KRABD3: variants seen among roughly 807,000 people sequenced by gnomAD.
KRABD3 encodes KRAB domain containing 3.
the KRABD3 span, chr7:149,726,121 C>A: frequency 6.8e-7 from 1 of 1,475,786 alleles, no homozygotes; most frequent in East Asian, 2.4e-5. Context: ...GCCCCTTGCC[C>A]AGTCCCTCTG....
the KRABD3 span, chr7:149,724,805 A>T: frequency 1.3e-6 from 2 of 1,597,956 alleles, no homozygotes; most frequent in Non-Finnish European, 8.5e-7. Context: ...GCCACTGGAG[A>T]CACCAGAGGG....
chr7:149,730,587 G>A, the KRABD3 span: 11 of 1,607,236 alleles, frequency 6.8e-6, no homozygotes, highest in Non-Finnish European at 9.3e-6. Flanking sequence ...GGGGTCTCCT[G>A]AGGGGGCGCC....
chr7:149,718,853 C>A, the KRABD3 span, among the ~76,000 whole-genome samples: 2 of 152,118 alleles, frequency 1.3e-5, no homozygotes, highest in Non-Finnish European at 2.9e-5. Flanking sequence ...CAAAAATGCT[C>A]GTGTTATTTT....
the KRABD3 span, chr7:149,728,792 C>A: frequency 6.9e-6 from 8 of 1,166,128 alleles, no homozygotes; most frequent in Non-Finnish European, 9.5e-6. Flanking sequence ...GGAAACAGAC[C>A]TGGGCAGAGC....
the KRABD3 span, chr7:149,722,936 C>T: frequency 6.2e-7 from 1 of 1,602,388 alleles, no homozygotes. Context: ...GACCTGGGGC[C>T]TGGGAGCCCG....
At chr7:149,730,727 G>A in the KRABD3 span, 10 of 964,372 alleles carry the variant, frequency 1.0e-5, no homozygotes, top group South Asian at 1.7e-5. Context: ...AGCTGTGTCC[G>A]AGAAGGAGGG....
chr7:149,721,754 G>A, the KRABD3 span: 1 of 703,728 alleles, frequency 1.4e-6, no homozygotes, highest in African/African-American at 1.7e-5. Flanking sequence ...CCCCTGGGGA[G>A]CCTGTCATCC....
At chr7:149,720,200 A>G in the KRABD3 span, 5 of 1,505,824 alleles carry the variant, frequency 3.3e-6, no homozygotes, top group Non-Finnish European at 4.5e-6. Context: ...GCGTGACCTC[A>G]GCCTACTCAG....
the KRABD3 span, among the ~76,000 whole-genome samples, chr7:149,732,532 G>A: frequency 3.8e-4 from 58 of 152,172 alleles, no homozygotes; most frequent in Middle Eastern, 3.2e-3. The surrounding 1 kb of genome is among the most constrained non-coding windows in gnomAD (Gnocchi z 4.0). Flanking sequence ...AATGGCAGGT[G>A]CCTGGCCAAG....
the KRABD3 span, chr7:149,719,473 A>G: frequency 1.1e-5 from 17 of 1,481,708 alleles, no homozygotes; most frequent in Admixed American, 4.3e-4. This position sits in a 1 kb window ranked among gnomAD's most constrained non-coding sequence, Gnocchi z 5.6. Flanking sequence ...AGGTGGGGTT[A>G]CCAAGTGCAG....
the KRABD3 span, chr7:149,723,501 C>T: frequency 1.9e-6 from 1 of 534,474 alleles, no homozygotes; most frequent in Non-Finnish European, 3.3e-6. Context: ...TCAATTTGTC[C>T]TCAGAGTGAT....
chr7:149,734,317 C>G, the KRABD3 span: 2 of 485,890 alleles, frequency 4.1e-6, no homozygotes, highest in Non-Finnish European at 7.3e-6. Context: ...CCACTGGAGC[C>G]GCCCAAGCTT....
the KRABD3 span, among the ~76,000 whole-genome samples, chr7:149,727,887 C>G: frequency 6.6e-6 from 1 of 152,174 alleles, no homozygotes; most frequent in African/African-American, 2.4e-5. Flanking sequence ...TGTGGACATT[C>G]AGAAGTTCTG....
chr7:149,721,893 C>T, the KRABD3 span: 1 of 448,376 alleles, frequency 2.2e-6, no homozygotes, highest in Non-Finnish European at 4.2e-6. Flanking sequence ...TCACAGCAAC[C>T]CTAACTGCAG....
the KRABD3 span, chr7:149,722,466 G>C: frequency 1.9e-6 from 3 of 1,607,922 alleles, no homozygotes; most frequent in South Asian, 2.2e-5. Flanking sequence ...AGGCCCAGGA[G>C]CCCTGGGCGG....
chr7:149,725,392 T>TCCC, the KRABD3 span: 1 of 1,610,306 alleles, frequency 6.2e-7, no homozygotes, highest in Admixed American at 1.7e-5. Context: ...GTCGTCACCT[T>TCCC]CCCAGCTGCC....
the KRABD3 span, chr7:149,719,965 G>A: frequency 6.6e-7 from 1 of 1,526,172 alleles, no homozygotes; most frequent in African/African-American, 1.4e-5. The surrounding 1 kb of genome is among the most constrained non-coding windows in gnomAD (Gnocchi z 5.6). Flanking sequence ...GCGAAGCGGA[G>A]ACCACTCCAT....
the KRABD3 span, chr7:149,734,004 TGTGGG>T: frequency 1.2e-6 from 2 of 1,611,154 alleles, no homozygotes; most frequent in South Asian, 1.1e-5. Flanking sequence ...CAGGAAGAAC[TGTGGG>T]GTGGGGAGCA....
chr7:149,730,301 C>A, the KRABD3 span: 2 of 1,549,534 alleles, frequency 1.3e-6, no homozygotes, highest in Non-Finnish European at 1.7e-6. Flanking sequence ...AAGGAGAAGA[C>A]CCGAGGCCAG....
Sources: allele counts gnomAD v4.1 joint callset (sites outside exome capture counted in the v4.1 genomes callset), GRCh38; gene constraint gnomAD v4.1.1; non-coding constraint Gnocchi (gnomAD v3.1); transcripts MANE v1.5; gene names NCBI Gene and HGNC (gene_info 2026-07-23, HGNC 2026-07-21).